The following EDA2R variants were observed in gnomAD, a reference collection of about 807,000 sequenced individuals.
The protein encoded by EDA2R is tumor necrosis factor receptor superfamily member 27.
EDA2R carries 26 observed loss-of-function variants against 20.1 expected under a neutral mutation model. That is an observed-to-expected ratio of 1.30 (90% CI 0.95 to 1.80). EDA2R has a LOEUF of 1.80. Ranked by LOEUF, EDA2R falls within the 40% of genes most tolerant of loss-of-function variation. EDA2R has a pLI of 0.00. For synonymous variants in EDA2R, 114 were observed against 88.7 expected (o/e 1.29, Z -1.60); for missense variants, 277 against 228.7 (o/e 1.21, Z -1.36).
chrX:66,619,302 C>T (rs757211589), intron 1 of EDA2R, among the ~76,000 whole-genome samples: 1 of 112,239 alleles, frequency 8.9e-6, no homozygotes, highest in Non-Finnish European at 1.9e-5. Context: ...AAACATTGTT[C>T]TAAGTGTTTG....
At chrX:66,623,248 G>T (rs760645233) in intron 1 of EDA2R, among the ~76,000 whole-genome samples, 37 of 112,145 alleles carry the variant, frequency 3.3e-4, no homozygotes, top group Non-Finnish European at 5.6e-4. Context: ...AAAATAAAAT[G>T]CAGTCAGAAA....
chrX:66,599,141 G>A (rs928781057), intron 6 of EDA2R, among the ~76,000 whole-genome samples: 2 of 111,851 alleles, frequency 1.8e-5, no homozygotes, highest in South Asian at 7.5e-4. Context: ...TTTTTCTACT[G>A]TGCTATGCTG....
chrX:66,626,788 G>C (rs979410130), intron 1 of EDA2R, among the ~76,000 whole-genome samples: 1 of 92,054 alleles, frequency 1.1e-5, no homozygotes, highest in African/African-American at 4.0e-5. Flanking sequence ...GGAAGAGGAG[G>C]GAAGGGGAGG....
chrX:66,630,218 G>A (rs1239630311), intron 1 of EDA2R, among the ~76,000 whole-genome samples: 1 of 111,730 alleles, frequency 9.0e-6, no homozygotes, highest in African/African-American at 3.3e-5. Flanking sequence ...TTAAATCTAA[G>A]ACCCGAATCT....
chrX:66,618,386 A>T (rs1299370801), intron 1 of EDA2R, among the ~76,000 whole-genome samples: 1 of 112,005 alleles, frequency 8.9e-6, no homozygotes, highest in Non-Finnish European at 1.9e-5. Flanking sequence ...CCTTATATGA[A>T]TTTTTCCCTG....
intron 2 of EDA2R, 53 bp downstream of exon 2, chrX:66,615,881 G>T: frequency 9.6e-7 from 1 of 1,045,753 alleles, no homozygotes; most frequent in Non-Finnish European, 1.3e-6. Flanking sequence ...TTCAGTTGCC[G>T]GGCTGGTTCC....
chrX:66,601,198 G>A (rs1359799119), intron 5 of EDA2R, among the ~76,000 whole-genome samples: 1 of 111,924 alleles, frequency 8.9e-6, no homozygotes, highest in Non-Finnish European at 1.9e-5. Flanking sequence ...GCAGAAAAGG[G>A]TTACCCATCT....
At chrX:66,620,231 T>G (rs745985549) in intron 1 of EDA2R, among the ~76,000 whole-genome samples, 2 of 112,353 alleles carry the variant, frequency 1.8e-5, no homozygotes, top group East Asian at 5.6e-4. Context: ...ATACCACAAT[T>G]TATATATTTT....
chrX:66,598,398 C>G (rs757423523), intron 6 of EDA2R, among the ~76,000 whole-genome samples: 1 of 111,811 alleles, frequency 8.9e-6, no homozygotes, highest in Admixed American at 9.5e-5. Flanking sequence ...CTGATGAGGT[C>G]TGTCTGGCAC....
At chrX:66,622,324 C>T (rs1038136737) in intron 1 of EDA2R, among the ~76,000 whole-genome samples, 31 of 111,391 alleles carry the variant, frequency 2.8e-4, no homozygotes, top group African/African-American at 1.0e-3. Context: ...TTGATGTTGG[C>T]CAAGTTTCTG....
At chrX:66,606,595 C>T (rs1929723962) in intron 2 of EDA2R, among the ~76,000 whole-genome samples, 1 of 112,159 alleles carries the variant, frequency 8.9e-6, no homozygotes, top group Admixed American at 9.4e-5. Context: ...CTCTGGAAAA[C>T]ATTCAAAGGC....
chrX:66,600,395 C>A (rs1046929525), intron 5 of EDA2R, among the ~76,000 whole-genome samples: 13 of 111,490 alleles, frequency 1.2e-4, no homozygotes, highest in African/African-American at 3.6e-4. Flanking sequence ...AGAAGGGGGC[C>A]ATGAGCCAAA....
Position 66,615,983 on chromosome X carries a change from C to T in EDA2R, c.38G>A (p.Gly13Glu). ...CQENEYWDQW[G>E]RCVTCQRCGP... is the part of the protein sequence containing the mutation. ...ACACCGTTGGCAGGTGACACACCGTCCCCATTGGTCCCAGTACTCATTTTC... is the reference window on the plus strand; with the variant it reads ...ACACCGTTGGCAGGTGACACACCGTTCCCATTGGTCCCAGTACTCATTTTC... Residue 13 changes from glycine to glutamate, a missense_variant, in exon 2 of 7, where the codon GGA (glycine) becomes GAA (glutamate). By Grantham distance (98) the Gly-to-Glu change is moderately conservative. Transcript: ENST00000374719. 1 of 1,210,192 alleles carries T rather than the reference C, an allele frequency of 8.3e-7. No homozygotes were observed. Among genetic ancestry groups the T allele is most frequent in the African/African-American group, 1.7e-5 (1 of 57,729 alleles).
At chrX:66,605,397 A>T (rs777155993) in intron 2 of EDA2R, among the ~76,000 whole-genome samples, 171 bp from the exon 3 acceptor site, 8 of 112,622 alleles carry the variant, frequency 7.1e-5, no homozygotes, top group Non-Finnish European at 1.1e-4. Context: ...AATAGAATGA[A>T]ATAGAATAAT....
intron 1 of EDA2R, among the ~76,000 whole-genome samples, chrX:66,632,480 G>A (rs1933930290): frequency 9.2e-6 from 1 of 108,281 alleles, no homozygotes; most frequent in Non-Finnish European, 1.9e-5. Context: ...GAGAAGGGAA[G>A]AAGGAAGAAA....
intron 4 of EDA2R, 92 bp downstream of exon 4, chrX:66,604,329 A>T: frequency 1.4e-6 from 1 of 734,960 alleles, no homozygotes; most frequent in Non-Finnish European, 1.9e-6. Context: ...CTACATGAAA[A>T]GGTATGAGGG....
At chrX:66,612,512 C>G (rs1359843757) in intron 2 of EDA2R, among the ~76,000 whole-genome samples, 4 of 110,767 alleles carry the variant, frequency 3.6e-5, no homozygotes, top group African/African-American at 6.6e-5. Flanking sequence ...ATGTAATACT[C>G]AGAACCACCT....
intron 1 of EDA2R, among the ~76,000 whole-genome samples, chrX:66,620,884 C>T (rs1476485777): frequency 1.0e-5 from 1 of 96,112 alleles, no homozygotes; most frequent in African/African-American, 3.8e-5. Context: ...CCCATAAACA[C>T]ATGAAAAGAT....
chrX:66,615,820 G>A (rs920535050), intron 2 of EDA2R, 114 bp downstream of exon 2: 9 of 526,139 alleles, frequency 1.7e-5, no homozygotes, highest in Non-Finnish European at 2.6e-5. Flanking sequence ...GGTTTTACCC[G>A]CTGAACTGGA....
Sources: allele counts gnomAD v4.1 joint callset (sites outside exome capture counted in the v4.1 genomes callset), GRCh38; gene constraint gnomAD v4.1.1; transcripts MANE v1.5; gene names NCBI Gene and HGNC (gene_info 2026-07-23, HGNC 2026-07-21).